The following ARHGAP44 variants were observed in gnomAD, a reference collection of about 807,000 sequenced individuals.
ARHGAP44 encodes the protein Rho GTPase activating protein 44.
In ARHGAP44, 43 loss-of-function variants were observed where a neutral mutation model predicts 106.8. That is an observed-to-expected ratio of 0.40 (90% CI 0.32 to 0.52). The LOEUF (loss-of-function observed/expected upper bound fraction) is 0.52. Among genes scored for constraint, ARHGAP44 ranks in the 20% least tolerant of loss-of-function variants. ARHGAP44 has a pLI of 0.48. For synonymous variants in ARHGAP44, 439 were observed against 410.3 expected (o/e 1.07, Z -0.85); for missense variants, 866 against 1,050.5 (o/e 0.82, Z 2.43).
intron 1 of ARHGAP44, 106 bp downstream of exon 1, chr17:12,789,997 T>C: frequency 2.7e-6 from 3 of 1,104,638 alleles, no homozygotes; most frequent in Admixed American, 3.6e-5. Flanking sequence ...CTTGCCTCAG[T>C]CCTTTCCCCT....
At chr17:12,824,679 G>A (rs536454076) in intron 1 of ARHGAP44, among the ~76,000 whole-genome samples, 2 of 151,930 alleles carry the variant, frequency 1.3e-5, no homozygotes, top group Non-Finnish European at 2.9e-5. Context: ...ATTATTTTCG[G>A]TGTTTCCCAT....
chr17:12,873,003 C>T (rs1434858810), intron 1 of ARHGAP44, among the ~76,000 whole-genome samples: 1 of 152,182 alleles, frequency 6.6e-6, no homozygotes, highest in East Asian at 1.9e-4. Flanking sequence ...CCCCTCCTCT[C>T]TGTTGTCCCC....
At chr17:12,894,513 G>T (rs567271601) in intron 1 of ARHGAP44, among the ~76,000 whole-genome samples, 2 of 152,268 alleles carry the variant, frequency 1.3e-5, no homozygotes, top group South Asian at 2.1e-4. Flanking sequence ...GACCGTGGTG[G>T]TGGCATTTGC....
chr17:12,854,483 A>G (rs2035848503), intron 1 of ARHGAP44, among the ~76,000 whole-genome samples: 1 of 152,238 alleles, frequency 6.6e-6, no homozygotes. Flanking sequence ...GAACCACTGG[A>G]AACAAATGTC....
At chr17:12,872,199 G>A (rs2036425998) in intron 1 of ARHGAP44, among the ~76,000 whole-genome samples, 1 of 151,996 alleles carries the variant, frequency 6.6e-6, no homozygotes, top group Non-Finnish European at 1.5e-5. Context: ...CAATTTTATG[G>A]ACTATCTTGT....
chr17:12,943,767 G>T lies in ARHGAP44; in HGVS notation c.733+98G>T, dbSNP rs2038767845. On this transcript the variant is annotated intron_variant, in intron 9 of 20. Coordinates refer to ENST00000379672, the MANE Select transcript of ARHGAP44 (RefSeq NM_014859.6). ...TGTATGTCGTTGGCCCTAACACTCT[G>T]CCCAACAGCATCACCTGTAGATGAG... The T allele has an allele frequency of 4.7e-6, 6 of 1,280,640 alleles. No individual in the cohort carries two copies. In the South Asian group the frequency reaches 7.5e-5, roughly 16 times the overall value. The allele number at this position is 1,280,640 out of a possible 1,614,324, so 79.3% of individuals were successfully genotyped here.
In ARHGAP44 at chr17:12,990,196, C is replaced by A. The variant is rs201199858; in HGVS notation, c.*25C>A. 1.9e-6 allele frequency: 3 copies of A among 1,598,926 alleles called. No individual in the cohort carries two copies. Among genetic ancestry groups the A allele is most frequent in the Non-Finnish European group, 2.6e-6 (3 of 1,167,894 alleles). Reference sequence around the variant, plus strand: ...ACATGACACCGCCCATCCTGCCTCGCGTGTACATACATCACGGGCCCTAGG... The same window carrying A: ...ACATGACACCGCCCATCCTGCCTCGAGTGTACATACATCACGGGCCCTAGG... On this transcript the variant is annotated 3_prime_UTR_variant, in exon 21 of 21. Transcript: ENST00000379672.
chr17:12,867,062 T>G (rs1485812838), intron 1 of ARHGAP44, among the ~76,000 whole-genome samples: 2 of 151,516 alleles, frequency 1.3e-5, no homozygotes, highest in South Asian at 2.1e-4. Flanking sequence ...CAGTGTGGTT[T>G]GGAGATTGAT....
At position 12,919,826 on chromosome 17, in the gene ARHGAP44, A is replaced by G. The variant is rs745903059; in HGVS notation, c.459A>G (p.Arg153=). The G allele has an allele frequency of 6.2e-7, 1 of 1,612,168 alleles. No individual in the cohort carries two copies. The highest frequency in any genetic ancestry group is 8.5e-7 in the Non-Finnish European group (1 of 1,179,064). Residue 153 remains arginine (R), a synonymous_variant, in exon 6 of 21, where the codon CGA becomes CGG. Coordinates refer to ENST00000379672, the MANE Select transcript of ARHGAP44 (RefSeq NM_014859.6). The part of the protein sequence containing the change: ...AKLVLDMDSS[R]TRWQQTSKSS... ...TGGTGCTGGACATGGATTCCTCACG[A>G]ACCAGGTAGAATCTCTTTACTTTCT...
At chr17:12,857,441 G>T (rs1264626655) in intron 1 of ARHGAP44, among the ~76,000 whole-genome samples, 1 of 152,116 alleles carries the variant, frequency 6.6e-6, no homozygotes. Flanking sequence ...GCAAGAGTGT[G>T]CATGTCAGCT....
At position 12,990,573 on chromosome 17, in the gene ARHGAP44, CTCA is replaced by C. The variant is rs1273507869; in HGVS notation, c.*404_*406del. 19 of 177,472 alleles carry C rather than the reference CTCA, an allele frequency of 1.1e-4. No homozygotes were observed. Among genetic ancestry groups the C allele is most frequent in the Admixed American group, 4.9e-4 (9 of 18,458 alleles). The allele number at this position is 177,472 out of a possible 1,614,324, so 11.0% of individuals were successfully genotyped here. A position where few individuals can be genotyped will look rare whatever the true frequency, so the allele number is the denominator to read the frequency against. On this transcript the variant is annotated 3_prime_UTR_variant, in exon 21 of 21. Coordinates refer to ENST00000379672, the MANE Select transcript of ARHGAP44 (RefSeq NM_014859.6). ...GGGCTGCTACCTTTTCCTTGGACGGCTCATGTCAGGTCTTGCAGGATCAGTTTA... is the reference window on the plus strand; with the variant it reads ...GGGCTGCTACCTTTTCCTTGGACGGCTGTCAGGTCTTGCAGGATCAGTTTA...
chr17:12,977,367 C>T (rs1238761164), intron 18 of ARHGAP44, among the ~76,000 whole-genome samples: 2 of 152,102 alleles, frequency 1.3e-5, no homozygotes, highest in African/African-American at 2.4e-5. Context: ...GCCGGATTCT[C>T]GTTCTGGCTC....
At chr17:12,822,986 C>T (rs2034814791) in intron 1 of ARHGAP44, among the ~76,000 whole-genome samples, 1 of 152,100 alleles carries the variant, frequency 6.6e-6, no homozygotes, top group Admixed American at 6.6e-5. Context: ...CTGCAGAGGC[C>T]CGTAACTCAG....
At position 12,949,713 on chromosome 17, in the gene ARHGAP44, G is replaced by A; in HGVS notation, c.1038G>A (p.Glu346=). 3 of 1,613,772 alleles carry A rather than the reference G, an allele frequency of 1.9e-6. No individual in the cohort carries two copies. Among genetic ancestry groups the A allele is most frequent in the Middle Eastern group, 1.6e-4 (1 of 6,062 alleles). Reference sequence around the variant, plus strand: ...TTATGACCTTTGAACTCTATGATGAGTGGATCCAGGCTTCCAAGTGAGTAC... The same window carrying A: ...TTATGACCTTTGAACTCTATGATGAATGGATCCAGGCTTCCAAGTGAGTAC... The part of the protein sequence containing the change: ...EPLMTFELYD[E]WIQASNVQEQ... The change falls in exon 12 of 21, where the codon GAG becomes GAA. Residue 346 remains glutamate, a synonymous_variant. Coordinates refer to ENST00000379672, the MANE Select transcript of ARHGAP44 (RefSeq NM_014859.6). This position sits in a 1 kb window ranked among gnomAD's most constrained non-coding sequence, Gnocchi z 4.1.
chr17:12,913,470 G>T (rs1484134290), intron 4 of ARHGAP44, among the ~76,000 whole-genome samples: 1 of 151,948 alleles, frequency 6.6e-6, no homozygotes, highest in East Asian at 1.9e-4. Flanking sequence ...TAAATAATAA[G>T]CATTTATTAA....
At chr17:12,948,035 T>C (rs886480047) in intron 10 of ARHGAP44, among the ~76,000 whole-genome samples, 2 of 152,240 alleles carry the variant, frequency 1.3e-5, no homozygotes, top group African/African-American at 4.8e-5. Flanking sequence ...AGGACTGTTC[T>C]GCCTGCTTGT....
At chr17:12,793,934 A>G (rs1487495535) in intron 1 of ARHGAP44, among the ~76,000 whole-genome samples, 1 of 152,114 alleles carries the variant, frequency 6.6e-6, no homozygotes, top group East Asian at 1.9e-4. Flanking sequence ...TAGATAGGGG[A>G]GTCTTTTGAA....
intron 1 of ARHGAP44, among the ~76,000 whole-genome samples, chr17:12,885,040 A>C (rs150397103): frequency 6.6e-6 from 1 of 152,102 alleles, no homozygotes; most frequent in Non-Finnish European, 1.5e-5. Flanking sequence ...AGCTGGGACT[A>C]CAGGCACCCA....
chr17:12,794,422 C>A (rs938647925), intron 1 of ARHGAP44, among the ~76,000 whole-genome samples: 1 of 152,122 alleles, frequency 6.6e-6, no homozygotes, highest in East Asian at 1.9e-4. Context: ...TCACTGAACA[C>A]CCATTCAAGT....
Sources: allele counts gnomAD v4.1 joint callset (sites outside exome capture counted in the v4.1 genomes callset), GRCh38; gene constraint gnomAD v4.1.1; non-coding constraint Gnocchi (gnomAD v3.1); transcripts MANE v1.5; gene names NCBI Gene and HGNC (gene_info 2026-07-23, HGNC 2026-07-21).